ARL13B: variants seen among roughly 807,000 people sequenced by gnomAD.
The protein encoded by ARL13B is ARF like GTPase 13B, also known as ADP-ribosylation factor-like protein 13B.
Under a neutral mutation model 56.1 loss-of-function variants are expected in ARL13B, and 36 were observed. That is an observed-to-expected ratio of 0.64 (90% CI 0.49 to 0.85). The LOEUF (loss-of-function observed/expected upper bound fraction) is 0.85. Among genes scored for constraint, ARL13B ranks in the 40% least tolerant of loss-of-function variants. The probability of loss-of-function intolerance (pLI) is 0.00; values close to 1 mark genes in which losing one functional copy is unlikely to be tolerated. For synonymous variants in ARL13B, 178 were observed against 171.1 expected, an observed-to-expected ratio of 1.04 and a Z score of -0.32; for missense variants, 519 against 507.1, an observed-to-expected ratio of 1.02 and a Z score of -0.23.
Position 94,055,399 on chromosome 3 carries a change from A to AT in ARL13B, c.*2143dup, listed in dbSNP as rs1242660297. ...TTAAATCAGTAGATTAAAATAATGC[A>AT]TTTTTTTGATACTTTACACACAAAA... On this transcript the variant is annotated 3_prime_UTR_variant, in exon 10 of 10. Coordinates refer to ENST00000394222, the MANE Select transcript of ARL13B (RefSeq NM_001174150.2). The AT allele has an allele frequency of 2.2e-5, 10 of 450,408 alleles. No individual in the cohort carries two copies. The highest frequency in any genetic ancestry group is 2.7e-5 in the Non-Finnish European group (6 of 224,314). 27.9% of individuals were successfully genotyped at this position (450,408 alleles called of 1,614,324 possible). A position where few individuals can be genotyped will look rare whatever the true frequency, so the allele number is the denominator to read the frequency against.
rs147240845 is a variant in ARL13B, at chr3:94,015,069, A to T, written c.380+11161A>T. 372 of 1,613,788 alleles carry T rather than the reference A, an allele frequency of 2.3e-4. No homozygotes were observed. The highest frequency in any genetic ancestry group is 2.9e-4 in the Non-Finnish European group (346 of 1,179,954). On this transcript the variant is annotated intron_variant, in intron 3 of 9. Coordinates refer to ENST00000394222, the MANE Select transcript of ARL13B (RefSeq NM_001174150.2). ...TCTGTTGCTGCCCAAATTTTTGAAC[A>T]TTATCTGCCAAATTGTTAATACTTT...
intron 1 of ARL13B, among the ~76,000 whole-genome samples, chr3:93,985,037 A>AATC (rs1559964256): frequency 3.0e-5 from 4 of 132,474 alleles, no homozygotes; most frequent in East Asian, 4.9e-4. Flanking sequence ...ATCAATCAAT[A>AATC]AGACTAAATA....
At chr3:93,993,802 G>A (rs1044314493) in intron 1 of ARL13B, among the ~76,000 whole-genome samples, 1 of 152,112 alleles carries the variant, frequency 6.6e-6, no homozygotes, top group Non-Finnish European at 1.5e-5. Context: ...TTTCATAGTT[G>A]ATAAAGCAGG....
rs1164527982 is a variant in ARL13B at position 94,048,042 on chromosome 3, A to G, written c.1025-1364A>G. ...CACACACACACACACACACACGGCAATTTTGAAATATTGCAGTTACATTGG... is the reference window on the plus strand; with the variant it reads ...CACACACACACACACACACACGGCAGTTTTGAAATATTGCAGTTACATTGG... On this transcript the variant is annotated intron_variant, in intron 7 of 9. Transcript: ENST00000394222. 4.0e-5 allele frequency: 6 copies of G among 151,172 alleles called. No homozygotes were observed. In the Admixed American group the frequency reaches 4.0e-4, roughly 10 times the overall value. The allele number at this position is 151,172 out of a possible 1,614,324, so 9.4% of individuals were successfully genotyped here.
At chr3:94,022,462 T>A (rs1166817289) in intron 3 of ARL13B, among the ~76,000 whole-genome samples, 1 of 152,118 alleles carries the variant, frequency 6.6e-6, no homozygotes, top group Non-Finnish European at 1.5e-5. Flanking sequence ...GAATTTCTTC[T>A]ATGGAAGATG....
rs1560020259 is a variant in ARL13B at position 94,053,525 on chromosome 3, T to G, written c.*262T>G. 1 of 594,850 alleles carries G rather than the reference T, an allele frequency of 1.7e-6. No individual in the cohort carries two copies. Among genetic ancestry groups the G allele is most frequent in the South Asian group, 1.5e-5 (1 of 65,780 alleles). 36.8% of individuals were successfully genotyped at this position (594,850 alleles called of 1,614,324 possible). On this transcript the variant is annotated 3_prime_UTR_variant, in exon 10 of 10. Transcript: ENST00000394222. ...AGCAAGATTTACTGTTGACTCTGGT[T>G]TATACATCCCCACTCATGAGCATAC...
chr3:94,003,523 C>A, intron 2 of ARL13B, 136 bp from the exon 3 acceptor site: 1 of 978,318 alleles, frequency 1.0e-6, no homozygotes, highest in Non-Finnish European at 1.5e-6. Flanking sequence ...GTCCCCAAAC[C>A]AGTATGCTTC....
chr3:94,043,544 TCCTCCCCCTCCCCC>T (rs2076904045), intron 7 of ARL13B, among the ~76,000 whole-genome samples: 1 of 278 alleles, frequency 3.6e-3, no homozygotes. Context: ...GCCCTCCCCC[TCCTCCCCCTCCCCC>T]CTCCCTCTTC....
chr3:94,016,040 T>G (rs558539332), intron 3 of ARL13B, among the ~76,000 whole-genome samples: 2 of 152,278 alleles, frequency 1.3e-5, no homozygotes, highest in South Asian at 4.1e-4. Flanking sequence ...AATAATGATA[T>G]TGACACTTAT....
At chr3:94,010,008 G>T (rs1050923693) in intron 3 of ARL13B, among the ~76,000 whole-genome samples, 1 of 152,110 alleles carries the variant, frequency 6.6e-6, no homozygotes, top group African/African-American at 2.4e-5. Context: ...TGGACCACCT[G>T]CATCAGCATC....
chr3:94,005,027 A>G (rs965231519), intron 3 of ARL13B, among the ~76,000 whole-genome samples: 1 of 152,168 alleles, frequency 6.6e-6, no homozygotes, highest in Non-Finnish European at 1.5e-5. Flanking sequence ...GTGCTTTTTT[A>G]AAACTAGTCA....
chr3:94,055,433 T>C lies in ARL13B; in HGVS notation c.*2170T>C. The C allele has an allele frequency of 2.2e-6, 1 of 453,014 alleles. No individual in the cohort carries two copies. The highest frequency in any genetic ancestry group is 4.4e-6 in the Non-Finnish European group (1 of 226,034). The allele number at this position is 453,014 out of a possible 1,614,324, so 28.1% of individuals were successfully genotyped here. Reference sequence around the variant, plus strand: ...ATACTTTACACACAAAACTTTTTTCTCTCTGCAAGTTTTTATGTATGTGGG... The same window carrying C: ...ATACTTTACACACAAAACTTTTTTCCCTCTGCAAGTTTTTATGTATGTGGG... On this transcript the variant is annotated 3_prime_UTR_variant, in exon 10 of 10. Transcript: ENST00000394222.
At chr3:94,038,490 T>G (rs1244790392) in intron 5 of ARL13B, among the ~76,000 whole-genome samples, 1 of 151,072 alleles carries the variant, frequency 6.6e-6, no homozygotes, top group Non-Finnish European at 1.5e-5. Flanking sequence ...TTCTTTCTTT[T>G]TTTTTTTTTT....
At chr3:94,018,680 T>C (rs2076383755) in intron 3 of ARL13B, among the ~76,000 whole-genome samples, 1 of 152,196 alleles carries the variant, frequency 6.6e-6, no homozygotes. Flanking sequence ...AATGAGCTCA[T>C]AATCTTCCTG....
chr3:94,016,856 A>C (rs2076343902), intron 3 of ARL13B, among the ~76,000 whole-genome samples: 1 of 152,120 alleles, frequency 6.6e-6, no homozygotes, highest in East Asian at 1.9e-4. Context: ...CATATTGGCC[A>C]GGCTGGTCTC....
At chr3:94,052,307 G>A (rs1392287860) in intron 9 of ARL13B, among the ~76,000 whole-genome samples, 1 of 152,108 alleles carries the variant, frequency 6.6e-6, no homozygotes, top group East Asian at 1.9e-4. Context: ...CTGCCTTTGT[G>A]AGGATTCTAC....
chr3:94,053,378 T>G lies in ARL13B; in HGVS notation c.*115T>G, dbSNP rs1159074373. Reference sequence around the variant, plus strand: ...GACTGGGGCAAGATAACCATAATAATTTTAGTGAGAAGATTAATACTCAAG... The same window carrying G: ...GACTGGGGCAAGATAACCATAATAAGTTTAGTGAGAAGATTAATACTCAAG... On this transcript the variant is annotated 3_prime_UTR_variant, in exon 10 of 10. Transcript: ENST00000394222. 8 of 925,058 alleles carry G rather than the reference T, an allele frequency of 8.6e-6. No individual in the cohort carries two copies. The highest frequency in any genetic ancestry group is 1.4e-5 in the Non-Finnish European group (8 of 578,240). The allele number at this position is 925,058 out of a possible 1,614,324, so 57.3% of individuals were successfully genotyped here.
chr3:94,036,756 T>G lies in ARL13B; in HGVS notation c.689+2T>G, dbSNP rs761785586. 2.5e-6 allele frequency: 4 copies of G among 1,605,520 alleles called. No individual in the cohort carries two copies. Among genetic ancestry groups the G allele is most frequent in the Admixed American group, 3.4e-5 (2 of 59,614 alleles). On this transcript the variant is annotated splice_donor_variant, in intron 5 of 9. Coordinates refer to ENST00000394222, the MANE Select transcript of ARL13B (RefSeq NM_001174150.2). LOFTEE classifies it high-confidence loss of function. ...AGTGCGAAAATTACGAGAAGAAAGG[T>G]AAGTAGATTAATTTTGTACCACAGT...
chr3:94,035,444 T>A lies in ARL13B; in HGVS notation c.486+8T>A. ...AAGTGCCTGTGTCAGATAGTAAGGT[T>A]TTTTTTTTTTTTTTAATTTTAATTT... On this transcript the variant is annotated splice_region_variant and intron_variant, in intron 4 of 9. Coordinates refer to ENST00000394222, the MANE Select transcript of ARL13B (RefSeq NM_001174150.2). 7.2e-7 allele frequency: 1 copy of A among 1,384,574 alleles called. No homozygotes were observed. Among genetic ancestry groups the A allele is most frequent in the South Asian group, 1.4e-5 (1 of 73,434 alleles). The allele number at this position is 1,384,574 out of a possible 1,614,324, so 85.8% of individuals were successfully genotyped here.
Sources: allele counts gnomAD v4.1 joint callset (sites outside exome capture counted in the v4.1 genomes callset), GRCh38; gene constraint gnomAD v4.1.1; transcripts MANE v1.5; gene names NCBI Gene and HGNC (gene_info 2026-07-23, HGNC 2026-07-21).